The following ZFP90 variants were observed in gnomAD, a reference collection of about 807,000 sequenced individuals.
ZFP90 encodes the protein zinc finger protein 90 homolog.
ZFP90 carries 38 observed loss-of-function variants against 60.8 expected under a neutral mutation model. The observed-to-expected ratio is 0.62, with a 90% CI of 0.48 to 0.82. The LOEUF (loss-of-function observed/expected upper bound fraction) is 0.82, where lower values mean the gene tolerates loss of function less well. Among genes scored for constraint, ZFP90 ranks in the 40% least tolerant of loss-of-function variants. ZFP90 has a pLI of 0.00. For missense variants in ZFP90, 711 were observed against 759.1 expected (o/e 0.94, Z 0.74); for synonymous variants, 287 against 264.8 (o/e 1.08, Z -0.82).
chr16:68,563,340 T>C lies in ZFP90; in HGVS notation c.553T>C (p.Cys185Arg). Residue 185 changes from cysteine to arginine, a missense_variant, in exon 5 of 5, where the codon TGT becomes CGT. This residue lies in a region of ZFP90 where 241 missense variants were observed against 247.6 expected (regional missense o/e 0.97). Coordinates refer to ENST00000563169, the MANE Select transcript of ZFP90 (RefSeq NM_001305203.2). ...TCCTGCAAGAATAAGGCCTAGTGAA[T>C]GTGAGACCCTTGGAAGCAATTTGGG... is the stretch of plus-strand genomic sequence containing the variant. The part of the protein sequence containing the change: ...NIPARIRPSE[C>R]ETLGSNLGHN... The C allele has an allele frequency of 6.2e-7, 1 of 1,614,200 alleles. No individual in the cohort carries two copies. The highest frequency in any genetic ancestry group is 1.1e-5 in the South Asian group (1 of 91,086).
At chr16:68,544,206 C>T (rs1284247156) in intron 2 of ZFP90, among the ~76,000 whole-genome samples, 1 of 152,116 alleles carries the variant, frequency 6.6e-6, no homozygotes, top group East Asian at 1.9e-4. Context: ...ACAAAAAAGG[C>T]ATTTGCCATT....
chr16:68,575,411 T>C (rs532339115), intron 2 of ZFP90, among the ~76,000 whole-genome samples: 1 of 151,856 alleles, frequency 6.6e-6, no homozygotes, highest in Non-Finnish European at 1.5e-5. Flanking sequence ...ACACAACAGC[T>C]CTCAGTGGAG....
At chr16:68,569,329 G>C (rs188984863), downstream of ZFP90, among the ~76,000 whole-genome samples, 3 of 151,442 alleles carry the variant, frequency 2.0e-5, no homozygotes, top group African/African-American at 7.3e-5. Flanking sequence ...TAGAGATGGG[G>C]TTTCACCATG....
chr16:68,564,594 C>A lies in ZFP90; in HGVS notation c.1807C>A (p.His603Asn). ...KTNLHDHQRI[H>N]TGEKPYSCKE... ...CAACCTGCATGATCATCAGAGAATT[C>A]ATACTGGAGAAAAACCCTATTCTTG... is the stretch of plus-strand genomic sequence containing the variant. Residue 603 changes from histidine to asparagine, a missense_variant, in exon 5 of 5, where the codon CAT becomes AAT. Physicochemically the swap from His to Asn is moderately conservative, Grantham distance 68. Around this residue, in one of 5 missense-constraint regions of ZFP90, gnomAD observed 295 missense variants for 274.0 expected, o/e 1.08. Transcript: ENST00000563169. The A allele has an allele frequency of 6.2e-7, 1 of 1,614,068 alleles. No individual in the cohort carries two copies. Among genetic ancestry groups the A allele is most frequent in the Non-Finnish European group, 8.5e-7 (1 of 1,179,994 alleles).
chr16:68,550,461 G>C (rs2091241084), intron 2 of ZFP90, among the ~76,000 whole-genome samples: 1 of 152,118 alleles, frequency 6.6e-6, no homozygotes, highest in African/African-American at 2.4e-5. Context: ...ATGTTGGCCA[G>C]GCTGGTCTCA....
intron 2 of ZFP90, among the ~76,000 whole-genome samples, chr16:68,572,264 C>T (rs899897660): frequency 6.6e-6 from 1 of 151,960 alleles, no homozygotes; most frequent in Non-Finnish European, 1.5e-5. Flanking sequence ...AAATCTGGAC[C>T]TGAATTATAA....
intron 2 of ZFP90, among the ~76,000 whole-genome samples, chr16:68,541,019 G>A (rs908066572): frequency 8.8e-5 from 13 of 147,708 alleles, no homozygotes; most frequent in East Asian, 2.0e-4. Flanking sequence ...CACCATGCCC[G>A]GCTAATTTTT....
chr16:68,563,007 A>AG, intron 4 of ZFP90, 37 bp from the exon 5 acceptor site: 1 of 1,611,970 alleles, frequency 6.2e-7, no homozygotes, highest in Non-Finnish European at 8.5e-7. Flanking sequence ...TTCAACAGGA[A>AG]GGAATAGGGG....
At chr16:68,558,976 C>T (rs1050152838) in intron 4 of ZFP90, among the ~76,000 whole-genome samples, 1 of 152,158 alleles carries the variant, frequency 6.6e-6, no homozygotes, top group African/African-American at 2.4e-5. Context: ...CCCTTGATAA[C>T]CTGCCTTCAG....
At chr16:68,547,830 ATC>A (rs61537947) in intron 2 of ZFP90, among the ~76,000 whole-genome samples, 28 of 145,016 alleles carry the variant, frequency 1.9e-4, no homozygotes, top group African/African-American at 6.6e-4. Flanking sequence ...AATACAGTTG[ATC>A]TCTCTTTTTT....
intron 2 of ZFP90, among the ~76,000 whole-genome samples, chr16:68,551,913 C>G (rs369252584): frequency 6.6e-6 from 1 of 151,924 alleles, no homozygotes; most frequent in Non-Finnish European, 1.5e-5. Context: ...CGCTCGCCAC[C>G]GTGCCCGGTT....
At chr16:68,571,044 G>A (rs143768958), downstream of ZFP90, among the ~76,000 whole-genome samples, 41 of 152,248 alleles carry the variant, frequency 2.7e-4, no homozygotes, top group African/African-American at 8.9e-4. Context: ...GTGTGGTCTT[G>A]GGTGGCTGGA....
chr16:68,547,823 A>G (rs575662879), intron 2 of ZFP90, among the ~76,000 whole-genome samples: 2 of 139,708 alleles, frequency 1.4e-5, no homozygotes, highest in East Asian at 4.3e-4. Flanking sequence ...TTTTCAAAAT[A>G]CAGTTGATCT....
At position 68,566,268 on chromosome 16, in the gene ZFP90, T is replaced by A. The variant is rs1360645223; in HGVS notation, c.*1570T>A. 1.0e-6 allele frequency: 1 copy of A among 985,488 alleles called. No individual in the cohort carries two copies. The highest frequency in any genetic ancestry group is 1.7e-5 in the African/African-American group (1 of 57,254). The allele number at this position is 985,488 out of a possible 1,614,324, so 61.0% of individuals were successfully genotyped here. The stretch of plus-strand genomic sequence containing the variant: ...CAGAACCTTTGTTGGTGTGTTGACA[T>A]TGACCATGCAGACCAATTTGGGCAC... On this transcript the variant is annotated 3_prime_UTR_variant, in exon 5 of 5. Transcript: ENST00000563169.
chr16:68,553,262 A>C lies in ZFP90; in HGVS notation c.34-4736A>C, dbSNP rs1486522308. On this transcript the variant is annotated intron_variant, in intron 2 of 4. Transcript: ENST00000563169. ...TGTAGAATGGGGTGCTATTTTGTGT[A>C]GGATGGTGAGGGAAGGTTGCTCTGA... 9.2e-5 allele frequency among the ~76,000 whole-genome samples: 14 copies of C among 152,314 alleles called. No individual in the cohort carries two copies. The East Asian group carries it at 2.7e-3, about 29-fold the overall frequency.
At chr16:68,539,636 G>T in intron 1 of ZFP90, 122 bp from the exon 2 acceptor site, 1 of 777,004 alleles carries the variant, frequency 1.3e-6, no homozygotes, top group Non-Finnish European at 1.9e-6. Context: ...GCCCGGGCTG[G>T]TTCCACGGTC....
chr16:68,576,115 C>G (rs2091593205), downstream of ZFP90: 2 of 243,918 alleles, frequency 8.2e-6, no homozygotes, highest in African/African-American at 4.5e-5. Context: ...TTCCCATTTC[C>G]TTCTCCCCAG....
At chr16:68,534,540 C>T (rs926144994), upstream of ZFP90, among the ~76,000 whole-genome samples, 2 of 150,356 alleles carry the variant, frequency 1.3e-5, no homozygotes, top group Non-Finnish European at 3.0e-5. Flanking sequence ...TTTTAAAATT[C>T]TATTTGGTTC....
At chr16:68,573,352 C>T (rs1286353961) in intron 2 of ZFP90, among the ~76,000 whole-genome samples, 2 of 152,192 alleles carry the variant, frequency 1.3e-5, no homozygotes, top group African/African-American at 4.8e-5. Context: ...GGCTTCATCG[C>T]CAGGTGCAGT....
Sources: allele counts gnomAD v4.1 joint callset (sites outside exome capture counted in the v4.1 genomes callset), GRCh38; gene constraint gnomAD v4.1.1; regional missense constraint gnomAD v4.1.1; transcripts MANE v1.5; gene names NCBI Gene and HGNC (gene_info 2026-07-23, HGNC 2026-07-21).